Variants in ARHGEF3 observed in about 807,000 individuals in gnomAD.
ARHGEF3 encodes the protein Rho guanine nucleotide exchange factor 3.
ARHGEF3 carries 28 observed loss-of-function variants against 63.2 expected under a neutral mutation model. That is an observed-to-expected ratio of 0.44 (90% CI 0.33 to 0.61). ARHGEF3 has a LOEUF of 0.61. Among genes scored for constraint, ARHGEF3 ranks in the 20% least tolerant of loss-of-function variants. The pLI is 0.03. For synonymous variants in ARHGEF3, 266 were observed against 254.2 expected (o/e 1.05, Z -0.44); for missense variants, 533 against 659.3 (o/e 0.81, Z 2.10).
chr3:56,820,237 G>A (rs1310945915), intron 4 of ARHGEF3, among the ~76,000 whole-genome samples: 11 of 152,168 alleles, frequency 7.2e-5, no homozygotes, highest in Admixed American at 7.2e-4. Flanking sequence ...CTGCTCAGCT[G>A]TATAAGACTC....
At chr3:56,925,039 A>G (rs977244879) in intron 3 of ARHGEF3, among the ~76,000 whole-genome samples, 3 of 152,246 alleles carry the variant, frequency 2.0e-5, no homozygotes, top group African/African-American at 7.2e-5. Context: ...TGAGAGTGCC[A>G]TACACTTGCT....
chr3:56,912,128 T>G (rs1458083789), intron 3 of ARHGEF3, among the ~76,000 whole-genome samples: 2 of 152,108 alleles, frequency 1.3e-5, no homozygotes, highest in Non-Finnish European at 2.9e-5. Flanking sequence ...TTAAATCATT[T>G]GACTTTGAAG....
chr3:57,014,245 C>A (rs1702860451), intron 2 of ARHGEF3, among the ~76,000 whole-genome samples: 1 of 152,162 alleles, frequency 6.6e-6, no homozygotes, highest in Non-Finnish European at 1.5e-5. Context: ...AAACTCCGGA[C>A]ACACCATCTT....
intron 4 of ARHGEF3, among the ~76,000 whole-genome samples, chr3:56,865,472 A>G (rs566182818): frequency 6.6e-5 from 10 of 152,334 alleles, no homozygotes; most frequent in African/African-American, 2.2e-4. Context: ...ATAATTTATA[A>G]TTTTTTAAAG....
At chr3:56,817,993 T>C (rs567782074) in intron 4 of ARHGEF3, among the ~76,000 whole-genome samples, 2 of 152,340 alleles carry the variant, frequency 1.3e-5, no homozygotes, top group Admixed American at 1.3e-4. Context: ...TTAACTTTCC[T>C]GGACCCTGTT....
Position 56,892,323 on chromosome 3 carries a change from A to C in ARHGEF3, c.130-9969T>G, listed in dbSNP as rs181557573. 2.0e-4 allele frequency among the ~76,000 whole-genome samples: 30 copies of C among 152,290 alleles called. 1 individual carries two copies. On this transcript the variant is annotated intron_variant, in intron 3 of 12. Transcript: ENST00000338458. ...GTCCATATTCACAAGGATTTTCAACAGTGGATGTGACGCAAAGCACAAAAT... is the reference window on the plus strand; with the variant it reads ...GTCCATATTCACAAGGATTTTCAACCGTGGATGTGACGCAAAGCACAAAAT...
At chr3:56,804,707 G>C (rs1285792962), upstream of ARHGEF3, among the ~76,000 whole-genome samples, 2 of 152,198 alleles carry the variant, frequency 1.3e-5, no homozygotes, top group African/African-American at 4.8e-5. Context: ...GAGCACCTCA[G>C]AACCACTGAT....
At chr3:57,010,718 A>G (rs1051601099) in intron 2 of ARHGEF3, among the ~76,000 whole-genome samples, 1 of 152,148 alleles carries the variant, frequency 6.6e-6, no homozygotes. Flanking sequence ...CTGACTCCCA[A>G]GGAGCCCACC....
chr3:56,814,587 T>A, intron 4 of ARHGEF3, among the ~76,000 whole-genome samples: 1 of 152,196 alleles, frequency 6.6e-6, no homozygotes, highest in East Asian at 1.9e-4. Context: ...TAAGATAATA[T>A]GTATGTCAGA....
chr3:56,849,206 G>A (rs1578669255), intron 4 of ARHGEF3, among the ~76,000 whole-genome samples: 1 of 152,094 alleles, frequency 6.6e-6, no homozygotes, highest in Non-Finnish European at 1.5e-5. Flanking sequence ...GCACCTAAGT[G>A]TCCTGTACCT....
At position 56,881,661 on chromosome 3, in the gene ARHGEF3, G is replaced by T. The variant is rs867967401; in HGVS notation, c.192+631C>A. On this transcript the variant is annotated intron_variant, in intron 4 of 12. Coordinates refer to the ARHGEF3 transcript ENST00000338458. Reference sequence around the variant, plus strand: ...TCTGATTTAAAAAGAAAAAAAAAATGAGGCAAATATTTGGTGGGTGCCCAG... The same window carrying T: ...TCTGATTTAAAAAGAAAAAAAAAATTAGGCAAATATTTGGTGGGTGCCCAG... 1.9e-4 allele frequency among the ~76,000 whole-genome samples: 29 copies of T among 152,282 alleles called. 1 individual carries two copies. Among genetic ancestry groups the T allele is most frequent in the South Asian group, 1.0e-3 (5 of 4,824 alleles).
chr3:56,893,115 C>A (rs945335917), intron 3 of ARHGEF3, among the ~76,000 whole-genome samples: 3 of 152,202 alleles, frequency 2.0e-5, no homozygotes, highest in African/African-American at 7.2e-5. Context: ...TGCCAAAATT[C>A]CATTTCTTTA....
intron 2 of ARHGEF3, among the ~76,000 whole-genome samples, chr3:56,769,198 G>C (rs564792160): frequency 4.5e-4 from 68 of 152,360 alleles, no homozygotes; most frequent in Non-Finnish European, 7.2e-4. Flanking sequence ...TCCATAGCAT[G>C]TGCTGAACTC....
chr3:56,762,599 C>T (rs575284340), intron 2 of ARHGEF3, among the ~76,000 whole-genome samples: 2 of 152,264 alleles, frequency 1.3e-5, no homozygotes, highest in South Asian at 2.1e-4. Flanking sequence ...TCAGCGGAGT[C>T]CTCCCTTGCC....
At chr3:57,001,054 C>T (rs1702173672) in intron 2 of ARHGEF3, among the ~76,000 whole-genome samples, 1 of 152,040 alleles carries the variant, frequency 6.6e-6, no homozygotes, top group Non-Finnish European at 1.5e-5. Context: ...ATCCTCCCAC[C>T]TGAGCCTCCC....
At chr3:57,061,171 C>T (rs183564797) in intron 1 of ARHGEF3, among the ~76,000 whole-genome samples, 155 of 152,284 alleles carry the variant, frequency 1.0e-3, no homozygotes, top group African/African-American at 3.2e-3. Context: ...TGTATTAATA[C>T]TTCTCTCTCT....
chr3:56,998,614 C>G (rs949315841), intron 2 of ARHGEF3, among the ~76,000 whole-genome samples: 1 of 152,182 alleles, frequency 6.6e-6, no homozygotes, highest in African/African-American at 2.4e-5. Context: ...CCAGGGACTT[C>G]ACAGACCACT....
intron 1 of ARHGEF3, among the ~76,000 whole-genome samples, chr3:56,780,314 C>A (rs959731382): frequency 6.6e-6 from 1 of 152,210 alleles, no homozygotes; most frequent in Non-Finnish European, 1.5e-5. Flanking sequence ...TATCTATTCC[C>A]TTAATATGAG....
chr3:56,740,457 T>C (rs2033942189), intron 7 of ARHGEF3, among the ~76,000 whole-genome samples: 1 of 152,204 alleles, frequency 6.6e-6, no homozygotes, highest in Non-Finnish European at 1.5e-5. Flanking sequence ...CCTTTCTTGG[T>C]TTTCAAAAAT....
Sources: gnomAD v4.1 joint callset for allele counts (sites outside exome capture counted in the v4.1 genomes callset) on GRCh38, gnomAD v4.1.1 for gene constraint, MANE v1.5 for transcripts, NCBI Gene and HGNC (gene_info 2026-07-23, HGNC 2026-07-21) for gene names.